RPS6KA2: variants seen among roughly 807,000 people sequenced by gnomAD.
The protein encoded by RPS6KA2 is ribosomal protein S6 kinase A2.
Under a neutral mutation model 91.8 loss-of-function variants are expected in RPS6KA2, and 42 were observed. The observed-to-expected ratio is 0.46, with a 90% CI of 0.36 to 0.59. The LOEUF (loss-of-function observed/expected upper bound fraction) is 0.59, where lower values mean the gene tolerates loss of function less well. RPS6KA2 is among the 20% of genes least tolerant of loss of function. The pLI is 0.00. For synonymous variants in RPS6KA2, 414 were observed against 393.6 expected (o/e 1.05, Z -0.61); for missense variants, 798 against 978.5 (o/e 0.82, Z 2.46).
intron 10 of RPS6KA2, among the ~76,000 whole-genome samples, chr6:166,476,459 T>C (rs1261150605): frequency 6.6e-6 from 1 of 152,190 alleles, no homozygotes; most frequent in Non-Finnish European, 1.5e-5. Flanking sequence ...TTTTTATCCG[T>C]GTTTCTCGCT....
At chr6:166,670,500 T>C (rs1347324825) in intron 2 of RPS6KA2, among the ~76,000 whole-genome samples, 1 of 152,250 alleles carries the variant, frequency 6.6e-6, no homozygotes, top group Non-Finnish European at 1.5e-5. Context: ...AGGTAGTTAG[T>C]ACACCTCGTA....
rs1779641942 is a variant in RPS6KA2 at position 166,445,280 on chromosome 6, C to G, written c.1332+3444G>C. 6.6e-6 allele frequency among the ~76,000 whole-genome samples: 1 copy of G among 152,098 alleles called. No individual in the cohort carries two copies. The highest frequency in any genetic ancestry group is 6.6e-5 in the Admixed American group (1 of 15,262). On this transcript the variant is annotated intron_variant, in intron 14 of 20. Transcript: ENST00000265678. The surrounding 1 kb of genome is among the most constrained non-coding windows in gnomAD (Gnocchi z 4.5). ...ACGTGGGGAACACTGAGCTGTTGGT[C>G]GGTCATCATCCTGTTGCTAAAGGAC...
intron 10 of RPS6KA2, among the ~76,000 whole-genome samples, chr6:166,480,111 C>G (rs978794899): frequency 6.6e-6 from 1 of 152,030 alleles, no homozygotes; most frequent in Non-Finnish European, 1.5e-5. Flanking sequence ...GGTGCATGTG[C>G]TTTACTTTTG....
intron 1 of RPS6KA2, among the ~76,000 whole-genome samples, chr6:166,607,596 A>G (rs2128530546): frequency 6.6e-6 from 1 of 152,258 alleles, no homozygotes; most frequent in African/African-American, 2.4e-5. Context: ...CAGAAAGTGG[A>G]TGTAGGGCTG....
At chr6:166,586,222 A>G (rs1785166269) in intron 1 of RPS6KA2, 14 of 1,591,840 alleles carry the variant, frequency 8.8e-6, no homozygotes, top group Non-Finnish European at 1.2e-5. Context: ...TTACCCCAGG[A>G]TCGTCCATGC....
intron 2 of RPS6KA2, among the ~76,000 whole-genome samples, chr6:166,654,714 A>T (rs981890167): frequency 2.6e-5 from 4 of 152,204 alleles, no homozygotes; most frequent in African/African-American, 9.7e-5. Context: ...TGCTCTGTAG[A>T]ATGTTTCATA....
chr6:166,592,644 G>A (rs1785391473), intron 1 of RPS6KA2, among the ~76,000 whole-genome samples: 1 of 151,886 alleles, frequency 6.6e-6, no homozygotes, highest in Non-Finnish European at 1.5e-5. Flanking sequence ...CACAGAAAGG[G>A]ACGGGGGAGG....
chr6:166,543,677 C>T (rs1331435909), intron 1 of RPS6KA2, among the ~76,000 whole-genome samples: 1 of 152,200 alleles, frequency 6.6e-6, no homozygotes, highest in Non-Finnish European at 1.5e-5. Context: ...GTAGTTACCC[C>T]CTTGGAACCT....
upstream of RPS6KA2, chr6:166,627,257 C>G (rs117841788): frequency 9.9e-7 from 1 of 1,009,890 alleles, no homozygotes; most frequent in African/African-American, 1.7e-5. Flanking sequence ...CGAGTACCAG[C>G]GCCGGCCACG....
At chr6:166,814,294 T>G (rs995467022) in intron 2 of RPS6KA2, among the ~76,000 whole-genome samples, 1 of 152,256 alleles carries the variant, frequency 6.6e-6, no homozygotes, top group African/African-American at 2.4e-5. Context: ...AAAAATCATA[T>G]GAGTTCTTTG....
intron 2 of RPS6KA2, among the ~76,000 whole-genome samples, chr6:166,688,757 G>T (rs60025655): frequency 0.045 from 6,920 of 152,306 alleles, 530 homozygotes; most frequent in African/African-American, 0.16. Flanking sequence ...CAGAAACCCC[G>T]CATGGGGGCA....
At chr6:166,613,987 C>A (rs1486908623) in intron 1 of RPS6KA2, among the ~76,000 whole-genome samples, 2 of 152,242 alleles carry the variant, frequency 1.3e-5, no homozygotes, top group East Asian at 3.9e-4. Context: ...TCTGGGGACA[C>A]TGACTTCTGG....
chr6:166,600,576 G>A (rs1375970114), intron 1 of RPS6KA2, among the ~76,000 whole-genome samples: 1 of 152,226 alleles, frequency 6.6e-6, no homozygotes, highest in African/African-American at 2.4e-5. Flanking sequence ...ATCCTTTAGT[G>A]CAGGAAGTCC....
At chr6:166,801,750 T>G (rs1253353765) in intron 2 of RPS6KA2, among the ~76,000 whole-genome samples, 1 of 152,220 alleles carries the variant, frequency 6.6e-6, no homozygotes, top group African/African-American at 2.4e-5. Context: ...AATATATTCA[T>G]GCACATAATT....
In RPS6KA2 at chr6:166,666,016, C is replaced by T. The variant is rs930273638; in HGVS notation, c.124-127232G>A. Among the ~76,000 whole-genome samples the T allele has an allele frequency of 6.6e-6, 1 of 152,328 alleles. No individual in the cohort carries two copies. The highest frequency in any genetic ancestry group is 2.1e-4 in the South Asian group (1 of 4,828). Reference sequence around the variant, plus strand: ...TCAAGTGGAAAAGCCCACATCACCACAGGCTGCGATCTGAAGGAGCAGAGA... The same window carrying T: ...TCAAGTGGAAAAGCCCACATCACCATAGGCTGCGATCTGAAGGAGCAGAGA... On this transcript the variant is annotated intron_variant, in intron 2 of 21. Transcript: ENST00000503859. The surrounding 1 kb of genome is among the most constrained non-coding windows in gnomAD (Gnocchi z 4.0).
At chr6:166,630,004 G>T (rs188498631), upstream of RPS6KA2, among the ~76,000 whole-genome samples, 3 of 152,302 alleles carry the variant, frequency 2.0e-5, no homozygotes, top group East Asian at 5.8e-4. Flanking sequence ...TAAAGTGAAA[G>T]AAATGCGTAA....
At chr6:166,837,660 C>T (rs1296461987) in intron 2 of RPS6KA2, among the ~76,000 whole-genome samples, 2 of 152,206 alleles carry the variant, frequency 1.3e-5, no homozygotes, top group Admixed American at 6.5e-5. Context: ...CTCATCACCT[C>T]TGTGGGGGTG....
chr6:166,760,159 G>A (rs187843240), intron 2 of RPS6KA2, among the ~76,000 whole-genome samples: 1 of 152,328 alleles, frequency 6.6e-6, no homozygotes, highest in Non-Finnish European at 1.5e-5. Context: ...GCAAAGATGC[G>A]TAGCTCATGT....
chr6:166,730,243 T>C (rs1344070266), intron 2 of RPS6KA2, among the ~76,000 whole-genome samples: 1 of 152,254 alleles, frequency 6.6e-6, no homozygotes, highest in African/African-American at 2.4e-5. Flanking sequence ...CCAGAACTTT[T>C]ATCTGGTAAA....
Sources: allele counts gnomAD v4.1 joint callset (sites outside exome capture counted in the v4.1 genomes callset), GRCh38; gene constraint gnomAD v4.1.1; non-coding constraint Gnocchi (gnomAD v3.1); transcripts MANE v1.5; gene names NCBI Gene and HGNC (gene_info 2026-07-23, HGNC 2026-07-21).